The following KDM4C variants were observed in gnomAD, a reference collection of about 807,000 sequenced individuals.
KDM4C encodes lysine demethylase 4C, also known as lysine-specific demethylase 4C.
Under a neutral mutation model 129.3 loss-of-function variants are expected in KDM4C, and 81 were observed. The ratio of observed to expected loss-of-function variants is 0.63; its 90% CI spans 0.52 to 0.75. The LOEUF (loss-of-function observed/expected upper bound fraction) is 0.75, where lower values mean the gene tolerates loss of function less well. KDM4C is among the 30% of genes least tolerant of loss of function. The probability of loss-of-function intolerance (pLI) is 0.00; values close to 1 mark genes in which losing one functional copy is unlikely to be tolerated. For synonymous variants in KDM4C, 573 were observed against 456.1 expected, an observed-to-expected ratio of 1.26 and a Z score of -3.26; for missense variants, 1,457 against 1,304.0, an observed-to-expected ratio of 1.12 and a Z score of -1.81.
chr9:6,874,841 G>A (rs1843317588), intron 5 of KDM4C, among the ~76,000 whole-genome samples: 1 of 151,730 alleles, frequency 6.6e-6, no homozygotes, highest in Non-Finnish European at 1.5e-5. Context: ...TGTAATCCCA[G>A]CACTTTGGGA....
intron 8 of KDM4C, among the ~76,000 whole-genome samples, chr9:6,949,445 T>C (rs1054579899): frequency 4.6e-5 from 7 of 152,104 alleles, no homozygotes; most frequent in African/African-American, 7.2e-5. Context: ...GGGTGGCGGC[T>C]GGGCAGAGGC....
At position 7,015,834 on chromosome 9, in the gene KDM4C, A is replaced by C. The variant is rs1462227290; in HGVS notation, c.2183-19A>C. On this transcript the variant is annotated intron_variant, in intron 14 of 21. Coordinates refer to ENST00000381309, the MANE Select transcript of KDM4C (RefSeq NM_015061.6). ...GGTGAAAAAGACCTAACGCATGGAT[A>C]CATACTATTATTTTATAGGTTGTTA... 1 of 1,554,236 alleles carries C rather than the reference A, an allele frequency of 6.4e-7. No individual in the cohort carries two copies. Among genetic ancestry groups the C allele is most frequent in the South Asian group, 1.1e-5 (1 of 89,726 alleles).
chr9:7,043,837 A>G (rs185228702), intron 15 of KDM4C, among the ~76,000 whole-genome samples: 1 of 152,158 alleles, frequency 6.6e-6, no homozygotes, highest in East Asian at 1.9e-4. Flanking sequence ...AACTCACTAA[A>G]GCTTGCAGCA....
intron 2 of KDM4C, among the ~76,000 whole-genome samples, chr9:6,798,962 CGA>C: frequency 6.8e-6 from 1 of 147,764 alleles, no homozygotes; most frequent in Non-Finnish European, 1.5e-5. Flanking sequence ...ACATCCCAGA[CGA>C]TGGGTGGCCG....
upstream of KDM4C, among the ~76,000 whole-genome samples, chr9:6,756,227 T>G (rs1486578730): frequency 6.6e-6 from 1 of 152,226 alleles, no homozygotes; most frequent in Non-Finnish European, 1.5e-5. Flanking sequence ...ACCTATTCAT[T>G]GAATTATTAT....
At chr9:7,139,994 C>T (rs754885163) in intron 19 of KDM4C, among the ~76,000 whole-genome samples, 11 of 152,186 alleles carry the variant, frequency 7.2e-5, no homozygotes, top group Admixed American at 1.3e-4. Flanking sequence ...CTTGAGAGAC[C>T]ACATGGGCAG....
chr9:7,129,390 T>C (rs540343544), intron 19 of KDM4C, among the ~76,000 whole-genome samples: 2 of 152,190 alleles, frequency 1.3e-5, no homozygotes, highest in Non-Finnish European at 2.9e-5. Flanking sequence ...AGCAAATGAA[T>C]GTAAGTTATT....
chr9:6,884,884 A>T (rs1185967525), intron 6 of KDM4C, among the ~76,000 whole-genome samples: 1 of 152,234 alleles, frequency 6.6e-6, no homozygotes, highest in African/African-American at 2.4e-5. Context: ...TAAACTATAA[A>T]CCAGTTGACA....
intron 17 of KDM4C, among the ~76,000 whole-genome samples, chr9:7,052,483 C>G (rs958432296): frequency 1.2e-4 from 18 of 152,194 alleles, no homozygotes; most frequent in African/African-American, 3.9e-4. Flanking sequence ...AACAAATGGC[C>G]TTTGCCTTTC....
At chr9:6,982,407 C>G (rs993917821) in intron 9 of KDM4C, 4 of 151,920 alleles carry the variant, frequency 2.6e-5, no homozygotes, top group Non-Finnish European at 4.4e-5. Context: ...TAGGTCAGGA[C>G]CAACATTTTA....
At chr9:6,832,428 C>CTTTTTTTTT (rs758428561) in intron 4 of KDM4C, among the ~76,000 whole-genome samples, 10 of 133,760 alleles carry the variant, frequency 7.5e-5, no homozygotes, top group Non-Finnish European at 1.5e-4. Flanking sequence ...TCTTTTTTTT[C>CTTTTTTTTT]TTTTTTTTTT....
chr9:6,993,136 G>T (rs1693896294), intron 12 of KDM4C, among the ~76,000 whole-genome samples: 1 of 152,172 alleles, frequency 6.6e-6, no homozygotes, highest in Non-Finnish European at 1.5e-5. Context: ...TCCGGGAAAA[G>T]ATTTTCCATG....
chr9:7,169,628 G>A (rs113070703), intron 20 of KDM4C, among the ~76,000 whole-genome samples, 170 bp from the exon 21 acceptor site: 42 of 152,160 alleles, frequency 2.8e-4, no homozygotes, highest in African/African-American at 8.4e-4. Flanking sequence ...CACCATGCCC[G>A]GCCTCTACTT....
At chr9:6,943,961 AGACT>A (rs1477583436) in intron 8 of KDM4C, among the ~76,000 whole-genome samples, 1 of 152,196 alleles carries the variant, frequency 6.6e-6, no homozygotes, top group Non-Finnish European at 1.5e-5. Flanking sequence ...AACTCCAGAC[AGACT>A]TTTACCTGGA....
At chr9:6,867,013 ATATATTT>A (rs1214241989) in intron 5 of KDM4C, among the ~76,000 whole-genome samples, 52 of 78,818 alleles carry the variant, frequency 6.6e-4, no homozygotes, top group East Asian at 1.8e-3. Context: ...ATATATATAT[ATATATTT>A]TTTTTTTTTT....
chr9:7,075,545 C>T (rs1833809778), intron 17 of KDM4C, among the ~76,000 whole-genome samples: 1 of 152,152 alleles, frequency 6.6e-6, no homozygotes, highest in African/African-American at 2.4e-5. Flanking sequence ...CTCATACCCT[C>T]TTTCACCATG....
chr9:6,904,880 G>A (rs759809732), intron 8 of KDM4C, among the ~76,000 whole-genome samples: 4 of 152,020 alleles, frequency 2.6e-5, no homozygotes, highest in Admixed American at 2.0e-4. Context: ...AAATTAAACT[G>A]GGAATAACAC....
At chr9:7,133,613 C>T (rs11789508) in intron 19 of KDM4C, among the ~76,000 whole-genome samples, 29,718 of 152,098 alleles carry the variant, frequency 0.2, 3,015 homozygotes, top group East Asian at 0.27. Context: ...TCCCCTTGTT[C>T]CATTGCTTAT....
At chr9:6,889,238 TGTGTGTGTGTGTGG>T (rs1845752251) in intron 7 of KDM4C, among the ~76,000 whole-genome samples, 1 of 115,358 alleles carries the variant, frequency 8.7e-6, no homozygotes, top group Admixed American at 9.6e-5. Context: ...TGTGTGTGTG[TGTGTGTGTGTGTGG>T]GAGGGTGGGG....
Sources: allele counts gnomAD v4.1 joint callset (sites outside exome capture counted in the v4.1 genomes callset), GRCh38; gene constraint gnomAD v4.1.1; transcripts MANE v1.5; gene names NCBI Gene and HGNC (gene_info 2026-07-23, HGNC 2026-07-21).